NTRK2: variants seen among roughly 807,000 people sequenced by gnomAD.
NTRK2 encodes neurotrophic receptor tyrosine kinase 2.
NTRK2 carries 13 observed loss-of-function variants against 94.5 expected under a neutral mutation model. The observed-to-expected ratio is 0.14, with a 90% CI of 0.09 to 0.22. The LOEUF is 0.22. Ranked by LOEUF, NTRK2 falls within the 10% of genes least tolerant of loss-of-function variation. The probability of loss-of-function intolerance (pLI) is 1.00; values close to 1 mark genes in which losing one functional copy is unlikely to be tolerated. For synonymous variants in NTRK2, 372 were observed against 407.4 expected, an observed-to-expected ratio of 0.91 and a Z score of 1.05; for missense variants, 639 against 1,071.2, an observed-to-expected ratio of 0.60 and a Z score of 5.63.
At chr9:84,690,751 T>A (rs1245676470) in intron 2 of NTRK2, among the ~76,000 whole-genome samples, 1 of 152,046 alleles carries the variant, frequency 6.6e-6, no homozygotes, top group Admixed American at 6.5e-5. Context: ...ATAATTTATA[T>A]GTTAGATTGA....
At chr9:84,912,052 G>A (rs552083085) in intron 14 of NTRK2, among the ~76,000 whole-genome samples, 12 of 152,220 alleles carry the variant, frequency 7.9e-5, no homozygotes, top group African/African-American at 2.4e-4. Flanking sequence ...AGTGTTCAAA[G>A]ACTTTCTTGT....
chr9:85,004,432 T>C (rs1333593102), intron 17 of NTRK2, among the ~76,000 whole-genome samples: 1 of 152,174 alleles, frequency 6.6e-6, no homozygotes, highest in Non-Finnish European at 1.5e-5. Flanking sequence ...AGAGAGTAGA[T>C]ACTAGTGCTG....
chr9:84,918,238 A>G (rs989173992), intron 14 of NTRK2, among the ~76,000 whole-genome samples: 1 of 152,324 alleles, frequency 6.6e-6, no homozygotes, highest in African/African-American at 2.4e-5. Context: ...AGCGCCAAGC[A>G]ATCAGGTATT....
chr9:84,716,566 G>T (rs930270664), intron 6 of NTRK2, among the ~76,000 whole-genome samples: 3 of 152,204 alleles, frequency 2.0e-5, no homozygotes, highest in Non-Finnish European at 4.4e-5. Flanking sequence ...GGAAGTTAGA[G>T]TGATATGAAA....
chr9:84,756,881 T>A (rs73472461), intron 12 of NTRK2, among the ~76,000 whole-genome samples: 2,715 of 152,314 alleles, frequency 0.018, 92 homozygotes, highest in African/African-American at 0.062. Context: ...AGTTCAACTT[T>A]CTGCTCTTAT....
Position 84,702,154 on chromosome 9 carries a change from T to TA in NTRK2, c.213-4dup. 6.2e-7 allele frequency: 1 copy of TA among 1,613,614 alleles called. No individual in the cohort carries two copies. Among genetic ancestry groups the TA allele is most frequent in the Non-Finnish European group, 8.5e-7 (1 of 1,179,546 alleles). On this transcript the variant is annotated splice_region_variant and splice_polypyrimidine_tract_variant and intron_variant, in intron 2 of 18. Coordinates refer to ENST00000277120, the MANE Select transcript of NTRK2 (RefSeq NM_006180.6). ...CACTGCGATTCACTCTCTGCTTTGT[T>TA]ACAGTTTCATCGCAAACCAGAAAAG...
At chr9:84,722,200 A>G (rs1179323113) in intron 6 of NTRK2, among the ~76,000 whole-genome samples, 1 of 134,340 alleles carries the variant, frequency 7.4e-6, no homozygotes, top group Non-Finnish European at 1.5e-5. Context: ...CCCATGAAAG[A>G]TGTAACATTG....
At chr9:84,958,562 C>T (rs1452697688) in intron 17 of NTRK2, among the ~76,000 whole-genome samples, 1 of 152,130 alleles carries the variant, frequency 6.6e-6, no homozygotes, top group Non-Finnish European at 1.5e-5. Flanking sequence ...TAATTTCACC[C>T]CCGTGGCCAC....
chr9:84,899,100 A>G (rs527391675), intron 14 of NTRK2, among the ~76,000 whole-genome samples: 1 of 152,276 alleles, frequency 6.6e-6, no homozygotes, highest in East Asian at 1.9e-4. Context: ...GAAATATGGG[A>G]GCTGAGGGGG....
chr9:84,833,897 C>T (rs1288079713), intron 12 of NTRK2, among the ~76,000 whole-genome samples: 1 of 152,156 alleles, frequency 6.6e-6, no homozygotes, highest in Non-Finnish European at 1.5e-5. Context: ...GTTAAAGTTC[C>T]CTGGGTGATT....
At chr9:84,810,886 T>C in intron 12 of NTRK2, 8 of 1,254,644 alleles carry the variant, frequency 6.4e-6, no homozygotes, top group Non-Finnish European at 8.0e-6. Flanking sequence ...TGAAATCCCA[T>C]TGGATTGTAC....
intron 15 of NTRK2, among the ~76,000 whole-genome samples, chr9:84,937,201 C>T (rs1171693337): frequency 6.6e-6 from 1 of 152,198 alleles, no homozygotes; most frequent in Non-Finnish European, 1.5e-5. Context: ...AATGCAGCTG[C>T]CAGGGATTGC....
intron 12 of NTRK2, among the ~76,000 whole-genome samples, chr9:84,803,672 C>T (rs1198004499): frequency 1.3e-5 from 2 of 152,208 alleles, no homozygotes; most frequent in Non-Finnish European, 2.9e-5. Flanking sequence ...GGATGTTGGC[C>T]TACCTTCCAA....
intron 17 of NTRK2, among the ~76,000 whole-genome samples, chr9:84,965,128 TA>T (rs1438761307): frequency 6.6e-6 from 1 of 152,120 alleles, no homozygotes; most frequent in African/African-American, 2.4e-5. Context: ...TTCCCTGGGC[TA>T]AAAAAATGAA....
chr9:84,861,776 ATTCTTACATCT>A (rs1357045687), intron 13 of NTRK2, among the ~76,000 whole-genome samples: 9 of 152,196 alleles, frequency 5.9e-5, no homozygotes, highest in Admixed American at 1.3e-4. Flanking sequence ...AAAAGACGGC[ATTCTTACATCT>A]TTCATGTGGG....
At chr9:84,809,448 A>G (rs1391723321) in intron 12 of NTRK2, among the ~76,000 whole-genome samples, 1 of 148,842 alleles carries the variant, frequency 6.7e-6, no homozygotes, top group Non-Finnish European at 1.5e-5. Flanking sequence ...TGTCTTATAG[A>G]TATAATATAT....
At chr9:84,780,825 G>GT (rs1324036924) in intron 12 of NTRK2, among the ~76,000 whole-genome samples, 1 of 152,142 alleles carries the variant, frequency 6.6e-6, no homozygotes, top group East Asian at 1.9e-4. Flanking sequence ...ATAGGTGGAT[G>GT]TTTTTTCCTC....
intron 17 of NTRK2, among the ~76,000 whole-genome samples, chr9:84,980,342 C>T (rs1052016069): frequency 5.9e-5 from 9 of 152,126 alleles, no homozygotes; most frequent in Admixed American, 2.0e-4. Context: ...GTATGTGGGA[C>T]TGTTTTCTTC....
At chr9:84,698,153 C>T (rs1285313085) in intron 2 of NTRK2, among the ~76,000 whole-genome samples, 3 of 151,550 alleles carry the variant, frequency 2.0e-5, no homozygotes, top group Non-Finnish European at 4.4e-5. Flanking sequence ...GTGTGTGTAA[C>T]CCCAGACCCA....
Sources: gnomAD v4.1 joint callset for allele counts (sites outside exome capture counted in the v4.1 genomes callset) on GRCh38, gnomAD v4.1.1 for gene constraint, MANE v1.5 for transcripts, NCBI Gene and HGNC (gene_info 2026-07-23, HGNC 2026-07-21) for gene names.